The following RALGPS1 variants were observed in gnomAD, a reference collection of about 807,000 sequenced individuals.
RALGPS1 encodes the protein Ral GEF with PH domain and SH3 binding motif 1, also known as ras-specific guanine nucleotide-releasing factor RalGPS1.
In RALGPS1, 19 loss-of-function variants were observed where a neutral mutation model predicts 78.8. The ratio of observed to expected loss-of-function variants is 0.24; its 90% CI spans 0.17 to 0.35. The LOEUF (loss-of-function observed/expected upper bound fraction) is 0.35, where lower values mean the gene tolerates loss of function less well. Ranked by LOEUF, RALGPS1 falls within the 10% of genes least tolerant of loss-of-function variation. The pLI is 1.00. For synonymous variants in RALGPS1, 228 were observed against 256.3 expected (o/e 0.89, Z 1.06); for missense variants, 454 against 688.3 (o/e 0.66, Z 3.81).
intron 1 of RALGPS1, among the ~76,000 whole-genome samples, chr9:126,919,871 G>A (rs927940884): frequency 2.6e-5 from 4 of 152,134 alleles, no homozygotes; most frequent in African/African-American, 7.2e-5. Flanking sequence ...GGGCCAGGTC[G>A]TGGGAGGCGA....
rs1019968983 is a variant in RALGPS1 at position 127,202,881 on chromosome 9, C to T, written c.1247+3815C>T. On this transcript the variant is annotated intron_variant, in intron 14 of 18. Transcript: ENST00000259351. ...GGGGGCCCCCAGCACACTCTGCTCTCCCAGGGAGGTGGGGAGGCGGCCGCA... is the reference window on the plus strand; with the variant it reads ...GGGGGCCCCCAGCACACTCTGCTCTTCCAGGGAGGTGGGGAGGCGGCCGCA... 5.3e-5 allele frequency among the ~76,000 whole-genome samples: 8 copies of T among 152,036 alleles called. No individual in the cohort carries two copies. In the East Asian group the frequency reaches 1.4e-3, roughly 26 times the overall value.
rs1252021751 is a variant in RALGPS1, at chr9:127,219,964, C to CGGGGA, written c.*1197_*1201dup. Reference sequence around the variant, plus strand: ...ACCGTGTGACAATAGAGCGAAGCCCCGGGGAGTGAACGGTCCAACCTCTGC... The same window carrying CGGGGA: ...ACCGTGTGACAATAGAGCGAAGCCCCGGGGAGGGGAGTGAACGGTCCAACCTCTGC... On this transcript the variant is annotated 3_prime_UTR_variant, in exon 19 of 19. Transcript: ENST00000259351. The surrounding 1 kb of genome is among the most constrained non-coding windows in gnomAD (Gnocchi z 5.0). The CGGGGA allele has an allele frequency of 6.6e-6, 1 of 152,666 alleles. No individual in the cohort carries two copies. The allele number at this position is 152,666 out of a possible 1,614,324, so 9.5% of individuals were successfully genotyped here.
chr9:127,202,913 C>T (rs1004746876), intron 14 of RALGPS1, among the ~76,000 whole-genome samples: 4 of 151,482 alleles, frequency 2.6e-5, no homozygotes, highest in Admixed American at 1.3e-4. Flanking sequence ...CGCAGGGCAG[C>T]GGCCGCAGGG....
chr9:126,979,241 ATGTGTGTGTGTGTGTG>A (rs57264470), intron 4 of RALGPS1, among the ~76,000 whole-genome samples: 4 of 146,790 alleles, frequency 2.7e-5, no homozygotes, highest in Non-Finnish European at 3.0e-5. Context: ...TTGTATTATT[ATGTGTGTGTGTGTGTG>A]TGTGTGTGTG....
intron 8 of RALGPS1, among the ~76,000 whole-genome samples, chr9:127,141,395 A>G (rs950456755): frequency 3.9e-5 from 6 of 152,122 alleles, no homozygotes; most frequent in Admixed American, 3.3e-4. Flanking sequence ...CAGTAACGCA[A>G]AGCTGCCTCC....
At chr9:127,107,920 G>A (rs572057906) in intron 8 of RALGPS1, 8 of 1,529,688 alleles carry the variant, frequency 5.2e-6, no homozygotes, top group African/African-American at 2.8e-5. Flanking sequence ...CTTACCCGAC[G>A]GCTTGTCGGT....
intron 8 of RALGPS1, among the ~76,000 whole-genome samples, chr9:127,118,257 C>G (rs1280775271): frequency 6.6e-6 from 1 of 152,114 alleles, no homozygotes; most frequent in Non-Finnish European, 1.5e-5. Flanking sequence ...TTGTAACCCC[C>G]AACACTGTTA....
At chr9:127,185,333 T>C (rs1280678993) in intron 11 of RALGPS1, among the ~76,000 whole-genome samples, 1 of 152,246 alleles carries the variant, frequency 6.6e-6, no homozygotes, top group African/African-American at 2.4e-5. Flanking sequence ...GTGCACATGC[T>C]GTTCTGTCTG....
At position 127,166,735 on chromosome 9, in the gene RALGPS1, G is replaced by C. The variant is rs116332699; in HGVS notation, c.748+529G>C. Among the ~76,000 whole-genome samples the C allele has an allele frequency of 2.8e-3, 424 of 152,292 alleles. 1 individual carries two copies. The highest frequency in any genetic ancestry group is 9.8e-3 in the African/African-American group (409 of 41,556). ...GACAGGGGCTAGGAGATATAATCTA[G>C]CTGTGGGCCTGGGAGAAGGGAAATG... On this transcript the variant is annotated intron_variant, in intron 9 of 18. Coordinates refer to ENST00000259351, the MANE Select transcript of RALGPS1 (RefSeq NM_014636.3).
intron 4 of RALGPS1, among the ~76,000 whole-genome samples, chr9:127,005,817 GT>G (rs2133762148): frequency 6.6e-6 from 1 of 152,306 alleles, no homozygotes; most frequent in Non-Finnish European, 1.5e-5. Context: ...CATTATAGAT[GT>G]TGCTGAAAAG....
chr9:126,933,402 C>T (rs960647861), intron 1 of RALGPS1, among the ~76,000 whole-genome samples: 6 of 152,262 alleles, frequency 3.9e-5, no homozygotes, highest in East Asian at 3.9e-4. Context: ...GAGTGTCTGA[C>T]GGGAAAGTAG....
chr9:127,199,901 C>T (rs1244201828), intron 14 of RALGPS1, among the ~76,000 whole-genome samples: 1 of 152,050 alleles, frequency 6.6e-6, no homozygotes, highest in East Asian at 1.9e-4. Flanking sequence ...GCCCTGGGCA[C>T]ACACACACAC....
chr9:127,025,412 A>G (rs777639850), intron 4 of RALGPS1, among the ~76,000 whole-genome samples: 3 of 152,196 alleles, frequency 2.0e-5, no homozygotes, highest in South Asian at 2.1e-4. Flanking sequence ...TACCTACCCA[A>G]TGGGATTGCT....
chr9:126,919,144 C>T (rs1216191383), intron 1 of RALGPS1, among the ~76,000 whole-genome samples: 1 of 152,144 alleles, frequency 6.6e-6, no homozygotes. Flanking sequence ...CTCATTGGTG[C>T]TTCATGTATC....
intron 8 of RALGPS1, among the ~76,000 whole-genome samples, chr9:127,138,705 G>A (rs1479773062): frequency 6.6e-6 from 1 of 152,188 alleles, no homozygotes; most frequent in Non-Finnish European, 1.5e-5. Flanking sequence ...CTGGGTAGTT[G>A]TGTGACCTCA....
chr9:127,105,078 G>T (rs1014820167), intron 8 of RALGPS1, among the ~76,000 whole-genome samples: 3 of 152,096 alleles, frequency 2.0e-5, no homozygotes, highest in African/African-American at 4.8e-5. Context: ...CTCTTCCTGG[G>T]CTCTGTCTAC....
At chr9:127,092,632 G>C (rs772641841) in intron 8 of RALGPS1, among the ~76,000 whole-genome samples, 1 of 152,158 alleles carries the variant, frequency 6.6e-6, no homozygotes, top group Non-Finnish European at 1.5e-5. Context: ...GAAGAACTAA[G>C]TGCTATCATT....
rs761823636 is a variant in RALGPS1, at chr9:126,963,052, C to A, written c.57+706C>A. ...TTCTTATAAACCTTTCAAGAAAATT[C>A]GGTGTTTTGATCTCTGGTCCTGAAA... On this transcript the variant is annotated intron_variant, in intron 2 of 18. Transcript: ENST00000259351. Among the ~76,000 whole-genome samples the A allele has an allele frequency of 7.9e-5, 12 of 152,160 alleles. 1 individual carries two copies. The highest frequency in any genetic ancestry group is 5.9e-4 in the Admixed American group (9 of 15,278).
intron 4 of RALGPS1, 168 bp downstream of exon 4, chr9:126,977,913 T>C (rs1311905549): frequency 2.0e-6 from 1 of 502,004 alleles, no homozygotes; most frequent in East Asian, 3.5e-5. Context: ...TTGAGCCCAG[T>C]ATTTGGATTT....
Sources: allele counts gnomAD v4.1 joint callset (sites outside exome capture counted in the v4.1 genomes callset), GRCh38; gene constraint gnomAD v4.1.1; non-coding constraint Gnocchi (gnomAD v3.1); transcripts MANE v1.5; gene names NCBI Gene and HGNC (gene_info 2026-07-23, HGNC 2026-07-21).